Variants in ANKRD30A observed in about 807,000 individuals in gnomAD.
ANKRD30A encodes the protein ankyrin repeat domain-containing protein 30A.
ANKRD30A carries 170 observed loss-of-function variants against 166.3 expected under a neutral mutation model. The ratio of observed to expected loss-of-function variants is 1.02; its 90% CI spans 0.90 to 1.16. The LOEUF (loss-of-function observed/expected upper bound fraction) is 1.16. Among genes scored for constraint, ANKRD30A ranks in the 50% most tolerant of loss-of-function variants. The pLI is 0.00. For missense variants in ANKRD30A, 1,630 were observed against 1,518.0 expected (o/e 1.07, Z -1.23); for synonymous variants, 564 against 508.9 (o/e 1.11, Z -1.46).
intron 15 of ANKRD30A, among the ~76,000 whole-genome samples, chr10:37,158,825 T>G (rs1200349896): frequency 2.0e-5 from 3 of 152,182 alleles, no homozygotes; most frequent in Non-Finnish European, 4.4e-5. Context: ...ATCCTGATAG[T>G]GTAAAGTTTC....
At chr10:37,160,622 A>T (rs1402743436) in intron 15 of ANKRD30A, among the ~76,000 whole-genome samples, 5 of 152,184 alleles carry the variant, frequency 3.3e-5, no homozygotes, top group Non-Finnish European at 7.3e-5. Context: ...TTTTTAAAAA[A>T]ATATAAATCA....
intron 25 of ANKRD30A, among the ~76,000 whole-genome samples, chr10:37,191,556 G>T (rs1206586560): frequency 7.2e-5 from 11 of 151,928 alleles, no homozygotes; most frequent in Non-Finnish European, 1.3e-4. Context: ...TGTGATTCCA[G>T]ATCAGTTTTC....
chr10:37,193,172 C>T lies in ANKRD30A; in HGVS notation c.2542-14C>T. On this transcript the variant is annotated splice_polypyrimidine_tract_variant and intron_variant, in intron 26 of 35. Transcript: ENST00000361713. The stretch of plus-strand genomic sequence containing the variant: ...ACATTGTATATTAATTGTTTTGTTT[C>T]TAAACCCATTTAGGCTCCCTGCAGA... The T allele has an allele frequency of 1.2e-6, 2 of 1,611,578 alleles. No individual in the cohort carries two copies. The highest frequency in any genetic ancestry group is 1.7e-6 in the Non-Finnish European group (2 of 1,179,170).
the ANKRD30A span, among the ~76,000 whole-genome samples, chr10:37,243,437 C>T: frequency 6.6e-6 from 1 of 151,946 alleles, no homozygotes; most frequent in African/African-American, 2.4e-5. Flanking sequence ...AGCTACCGTG[C>T]CCGGCGTCCA....
chr10:37,254,012 A>G, the ANKRD30A span, among the ~76,000 whole-genome samples: 311 of 152,294 alleles, frequency 2.0e-3, 3 homozygotes, highest in African/African-American at 7.1e-3. Flanking sequence ...ATTAATGTTT[A>G]TGACCTAATA....
chr10:37,166,496 G>T lies in ANKRD30A; in HGVS notation c.2065-109G>T, dbSNP rs1588851010. The T allele has an allele frequency of 6.6e-6, 7 of 1,055,964 alleles. No homozygotes were observed. In the East Asian group the frequency reaches 2.0e-4, roughly 29 times the overall value. The allele number at this position is 1,055,964 out of a possible 1,614,324, so 65.4% of individuals were successfully genotyped here. A position where few individuals can be genotyped will look rare whatever the true frequency, so the allele number is the denominator to read the frequency against. Reference sequence around the variant, plus strand: ...TATCTGCTCTTAAGTCGAATTGTTTGCAAAGGAGGAAATTGTGTTTTTAAA... The same window carrying T: ...TATCTGCTCTTAAGTCGAATTGTTTTCAAAGGAGGAAATTGTGTTTTTAAA... On this transcript the variant is annotated intron_variant, in intron 18 of 35. Transcript: ENST00000361713.
chr10:37,263,834 G>C, the ANKRD30A span, among the ~76,000 whole-genome samples: 1 of 152,168 alleles, frequency 6.6e-6, no homozygotes, highest in Admixed American at 6.5e-5. Flanking sequence ...AATTAATCCA[G>C]GTTAAATGTG....
chr10:37,245,107 T>A, the ANKRD30A span, among the ~76,000 whole-genome samples: 1 of 152,222 alleles, frequency 6.6e-6, no homozygotes, highest in Non-Finnish European at 1.5e-5. Context: ...AATATTTCAA[T>A]TGTCTTATTA....
chr10:37,265,006 T>C, the ANKRD30A span, among the ~76,000 whole-genome samples: 1 of 152,200 alleles, frequency 6.6e-6, no homozygotes, highest in African/African-American at 2.4e-5. Flanking sequence ...CCAGTGATTA[T>C]ACTGGTTACA....
At chr10:37,224,491 T>C (rs1268834674) in intron 34 of ANKRD30A, among the ~76,000 whole-genome samples, 1 of 150,532 alleles carries the variant, frequency 6.6e-6, no homozygotes, top group Non-Finnish European at 1.5e-5. Context: ...TATACACATA[T>C]ATTATATGTA....
At position 37,129,882 on chromosome 10, in the gene ANKRD30A, C is replaced by A; in HGVS notation, c.222-11C>A. ...ACTAAACTTTGCCAAAAAGTCCTCT[C>A]ACTCTCGTAGGACTGCTCTACACTG... On this transcript the variant is annotated splice_polypyrimidine_tract_variant and intron_variant, in intron 1 of 35. Transcript: ENST00000361713. The A allele has an allele frequency of 6.9e-7, 1 of 1,447,530 alleles. No individual in the cohort carries two copies. Among genetic ancestry groups the A allele is most frequent in the Non-Finnish European group, 9.1e-7 (1 of 1,092,966 alleles). The allele number at this position is 1,447,530 out of a possible 1,614,324, so 89.7% of individuals were successfully genotyped here.
At chr10:37,183,540 A>G (rs4083939) in intron 24 of ANKRD30A, among the ~76,000 whole-genome samples, 1 of 141,394 alleles carries the variant, frequency 7.1e-6, no homozygotes, top group African/African-American at 2.6e-5. Context: ...CAAAATCAAA[A>G]TTTTGTTTAT....
At chr10:37,136,945 A>G (rs954099192) in intron 6 of ANKRD30A, among the ~76,000 whole-genome samples, 1 of 151,638 alleles carries the variant, frequency 6.6e-6, no homozygotes, top group Non-Finnish European at 1.5e-5. Context: ...CTGAAAAAAT[A>G]TTTGTTTAAT....
chr10:37,240,250 T>C, the ANKRD30A span, among the ~76,000 whole-genome samples: 23 of 152,238 alleles, frequency 1.5e-4, no homozygotes, highest in East Asian at 3.9e-3. Flanking sequence ...GGCATATCTG[T>C]TTTTGGCTCT....
chr10:37,204,711 A>C (rs1296397315), intron 31 of ANKRD30A, among the ~76,000 whole-genome samples: 1 of 152,190 alleles, frequency 6.6e-6, no homozygotes, highest in African/African-American at 2.4e-5. Flanking sequence ...CCCATCTGAC[A>C]AAGGGCTAAT....
At chr10:37,134,670 C>T (rs1006971992) in intron 5 of ANKRD30A, among the ~76,000 whole-genome samples, 1 of 152,208 alleles carries the variant, frequency 6.6e-6, no homozygotes, top group African/African-American at 2.4e-5. Flanking sequence ...GCAGCTAGAA[C>T]TTTTAGCTTT....
At chr10:37,257,588 G>T in the ANKRD30A span, among the ~76,000 whole-genome samples, 6 of 152,040 alleles carry the variant, frequency 3.9e-5, no homozygotes, top group East Asian at 9.6e-4. Context: ...CAGAGATTCT[G>T]GTACATTGTC....
chr10:37,261,484 G>C, the ANKRD30A span, among the ~76,000 whole-genome samples: 1 of 152,058 alleles, frequency 6.6e-6, no homozygotes, highest in Non-Finnish European at 1.5e-5. Flanking sequence ...AAGAATTAAA[G>C]ATGAATCATA....
chr10:37,165,056 C>A lies in ANKRD30A; in HGVS notation c.2003-38C>A, dbSNP rs186244749. Reference sequence around the variant, plus strand: ...TGTTTTTAAAATTTTTAGTAGAGAACTGTGCTCATGAATGTATCTGTGATT... The same window carrying A: ...TGTTTTTAAAATTTTTAGTAGAGAAATGTGCTCATGAATGTATCTGTGATT... On this transcript the variant is annotated intron_variant, in intron 17 of 35. Transcript: ENST00000361713. 1.1e-4 allele frequency: 178 copies of A among 1,574,296 alleles called. 4 individuals are homozygous for A. In the African/African-American group the frequency reaches 1.8e-3, roughly 16 times the overall value.
Sources: gnomAD v4.1 joint callset for allele counts (sites outside exome capture counted in the v4.1 genomes callset) on GRCh38, gnomAD v4.1.1 for gene constraint, MANE v1.5 for transcripts, NCBI Gene and HGNC (gene_info 2026-07-23, HGNC 2026-07-21) for gene names.